Variants in GRIA1 observed in about 807,000 individuals in gnomAD.
The protein encoded by GRIA1 is glutamate ionotropic receptor AMPA type subunit 1.
Under a neutral mutation model 99.2 loss-of-function variants are expected in GRIA1, and 31 were observed. The observed-to-expected ratio is 0.31, with a 90% CI of 0.23 to 0.42. GRIA1 has a LOEUF of 0.42. Among genes scored for constraint, GRIA1 ranks in the 10% least tolerant of loss-of-function variants. The pLI is 1.00. For synonymous variants in GRIA1, 438 were observed against 432.4 expected, an observed-to-expected ratio of 1.01 and a Z score of -0.16; for missense variants, 782 against 1,157.5, an observed-to-expected ratio of 0.68 and a Z score of 4.71.
chr5:153,562,439 C>A (rs1198524735), intron 2 of GRIA1, among the ~76,000 whole-genome samples: 1 of 152,088 alleles, frequency 6.6e-6, no homozygotes, highest in Non-Finnish European at 1.5e-5. Flanking sequence ...CTGAGTCAGC[C>A]TTTATGGAAT....
intron 2 of GRIA1, among the ~76,000 whole-genome samples, chr5:153,577,006 A>G (rs1422759814): frequency 8.7e-6 from 1 of 114,958 alleles, no homozygotes; most frequent in Non-Finnish European, 1.9e-5. Flanking sequence ...GAATGGATGG[A>G]TGGATGGATG....
chr5:153,682,703 G>A (rs1053895429), intron 7 of GRIA1, among the ~76,000 whole-genome samples: 2 of 151,958 alleles, frequency 1.3e-5, no homozygotes, highest in East Asian at 1.9e-4. Context: ...ATATTCCCAC[G>A]GGCCCATGCT....
At chr5:153,711,981 G>T (rs189913575) in intron 11 of GRIA1, among the ~76,000 whole-genome samples, 3 of 152,312 alleles carry the variant, frequency 2.0e-5, no homozygotes, top group East Asian at 3.9e-4. Flanking sequence ...GTCTAAGGCG[G>T]GGGGAGTGAT....
intron 4 of GRIA1, among the ~76,000 whole-genome samples, chr5:153,653,637 A>C (rs1754731773): frequency 6.6e-6 from 1 of 152,158 alleles, no homozygotes. Flanking sequence ...TATTGTCTTC[A>C]TGGTGCTTGT....
intron 11 of GRIA1, among the ~76,000 whole-genome samples, chr5:153,741,269 C>T (rs1394162715): frequency 7.9e-5 from 12 of 152,208 alleles, no homozygotes; most frequent in Admixed American, 5.2e-4. Flanking sequence ...CCACCGCTCC[C>T]GGCCAGAAAT....
intron 11 of GRIA1, among the ~76,000 whole-genome samples, chr5:153,723,044 G>C (rs1195103662): frequency 1.3e-5 from 2 of 152,224 alleles, no homozygotes; most frequent in African/African-American, 4.8e-5. Flanking sequence ...GGGAGTGCCA[G>C]AGGAAAGGCA....
At chr5:153,637,218 C>A (rs1753430177) in intron 2 of GRIA1, among the ~76,000 whole-genome samples, 1 of 152,194 alleles carries the variant, frequency 6.6e-6, no homozygotes, top group Non-Finnish European at 1.5e-5. Flanking sequence ...TTGGTAGTGA[C>A]TACTATGCAA....
chr5:153,635,823 C>G (rs1400501247), intron 2 of GRIA1, among the ~76,000 whole-genome samples: 1 of 152,202 alleles, frequency 6.6e-6, no homozygotes, highest in Non-Finnish European at 1.5e-5. Context: ...GGACCCCTGC[C>G]CTCTCAAGAC....
At chr5:153,594,909 C>T (rs967177115) in intron 2 of GRIA1, among the ~76,000 whole-genome samples, 22 of 152,120 alleles carry the variant, frequency 1.4e-4, no homozygotes, top group African/African-American at 4.6e-4. Context: ...CCTCAGACTT[C>T]AAAGTATCCA....
At chr5:153,724,118 T>A (rs1760311261) in intron 11 of GRIA1, among the ~76,000 whole-genome samples, 1 of 152,238 alleles carries the variant, frequency 6.6e-6, no homozygotes, top group Non-Finnish European at 1.5e-5. Context: ...CCACCGCTGC[T>A]GTTACCCAGG....
In GRIA1 at chr5:153,792,619, G is replaced by C. The variant is rs1765369530; in HGVS notation, c.2271-2002G>C. 2.6e-5 allele frequency among the ~76,000 whole-genome samples: 4 copies of C among 152,292 alleles called. No individual in the cohort carries two copies. The South Asian group carries it at 8.3e-4, about 32-fold the overall frequency. On this transcript the variant is annotated intron_variant, in intron 13 of 15. Coordinates refer to ENST00000285900, the MANE Select transcript of GRIA1 (RefSeq NM_000827.4). ...GTGGCTATCTACTTACCCTAGCATT[G>C]AGCCTCTCTCAGGAAAAATACCCTT...
chr5:153,775,942 G>T (rs1485624496), intron 13 of GRIA1, among the ~76,000 whole-genome samples: 2 of 152,030 alleles, frequency 1.3e-5, no homozygotes, highest in African/African-American at 2.4e-5. Context: ...GGAACAACAA[G>T]GGGTCCACTT....
At chr5:153,723,745 T>A (rs1760270324) in intron 11 of GRIA1, among the ~76,000 whole-genome samples, 1 of 151,406 alleles carries the variant, frequency 6.6e-6, no homozygotes, top group Non-Finnish European at 1.5e-5. Context: ...GCCAGGAAGC[T>A]CGAACTGGGT....
rs1250825059 is a variant in GRIA1 at position 153,699,033 on chromosome 5, C to T, written c.1412C>T (p.Thr471Met). 15 of 1,613,908 alleles carry T rather than the reference C, an allele frequency of 9.3e-6. No homozygotes were observed. The highest frequency in any genetic ancestry group is 1.6e-4 in the Middle Eastern group (1 of 6,062). ...AAATACGGAGCCCGAGACCCTGACA[C>T]GAAGGCCTGGAATGGCATGGTGGGA... is the stretch of plus-strand genomic sequence containing the variant. ...DGKYGARDPD[T>M]KAWNGMVGEL... The change falls in exon 10 of 16, where the codon ACG becomes ATG. Residue 471 changes from threonine (T) to methionine (M), a missense_variant. Transcript: ENST00000285900.
At chr5:153,529,812 T>A (rs1757932869) in intron 2 of GRIA1, among the ~76,000 whole-genome samples, 2 of 152,124 alleles carry the variant, frequency 1.3e-5, no homozygotes, top group Admixed American at 6.5e-5. Context: ...TTGGAGGTGA[T>A]GTTTGTATGA....
intron 15 of GRIA1, among the ~76,000 whole-genome samples, chr5:153,810,039 C>G (rs1408550716): frequency 1.3e-5 from 2 of 152,140 alleles, no homozygotes; most frequent in Non-Finnish European, 2.9e-5. Flanking sequence ...GATTTCCTAT[C>G]ATCAATGGTC....
At chr5:153,506,059 C>T (rs757406477) in intron 2 of GRIA1, among the ~76,000 whole-genome samples, 38 of 152,150 alleles carry the variant, frequency 2.5e-4, no homozygotes, top group Non-Finnish European at 1.0e-4. Flanking sequence ...GAAAAATCTC[C>T]TGCAAACTAG....
chr5:153,554,885 C>T (rs1760481300), intron 2 of GRIA1, among the ~76,000 whole-genome samples: 1 of 152,142 alleles, frequency 6.6e-6, no homozygotes, highest in Non-Finnish European at 1.5e-5. Flanking sequence ...GGTAAATGTC[C>T]TTTCTTCCCT....
chr5:153,585,034 C>T (rs1390921658), intron 2 of GRIA1, among the ~76,000 whole-genome samples: 1 of 152,196 alleles, frequency 6.6e-6, no homozygotes, highest in Non-Finnish European at 1.5e-5. Context: ...TCCTATTCAA[C>T]AGTGCACGAG....
Sources: gnomAD v4.1 joint callset for allele counts (sites outside exome capture counted in the v4.1 genomes callset) on GRCh38, gnomAD v4.1.1 for gene constraint, MANE v1.5 for transcripts, NCBI Gene and HGNC (gene_info 2026-07-23, HGNC 2026-07-21) for gene names.